The following WAC variants were observed in gnomAD, a reference collection of about 807,000 sequenced individuals.
WAC encodes WW domain containing adaptor with coiled-coil.
WAC carries 11 observed loss-of-function variants against 79.6 expected under a neutral mutation model. That is an observed-to-expected ratio of 0.14 (90% CI 0.09 to 0.23). WAC has a LOEUF of 0.23. WAC is among the 10% of genes least tolerant of loss of function. WAC has a pLI of 1.00. For missense variants in WAC, 728 were observed against 773.5 expected, an observed-to-expected ratio of 0.94 and a Z score of 0.70; for synonymous variants, 304 against 276.9, an observed-to-expected ratio of 1.10 and a Z score of -0.97.
intron 3 of WAC, among the ~76,000 whole-genome samples, chr10:28,574,117 T>C (rs11592270): frequency 0.016 from 1,087 of 68,238 alleles, 6 homozygotes; most frequent in Non-Finnish European, 0.019. Flanking sequence ...ATTTGGTTTT[T>C]ATTTTTTGAC....
intron 3 of WAC, among the ~76,000 whole-genome samples, chr10:28,545,405 G>C (rs1333587153): frequency 1.3e-5 from 2 of 152,150 alleles, no homozygotes; most frequent in Non-Finnish European, 2.9e-5. Context: ...GCTTGAACCC[G>C]TGAGGCAGAG....
chr10:28,567,102 C>T (rs1041631568), intron 3 of WAC, among the ~76,000 whole-genome samples: 1 of 151,586 alleles, frequency 6.6e-6, no homozygotes, highest in Non-Finnish European at 1.5e-5. Context: ...TGCTTTCAGT[C>T]ATGTTATTCT....
At chr10:28,607,925 T>C (rs187384455) in intron 7 of WAC, among the ~76,000 whole-genome samples, 6 of 152,332 alleles carry the variant, frequency 3.9e-5, no homozygotes, top group Non-Finnish European at 4.4e-5. Context: ...CAGATATGGG[T>C]ATGATTTACC....
Position 28,619,633 on chromosome 10 carries a change from G to T in WAC, c.*27G>T. 2 of 1,552,352 alleles carry T rather than the reference G, an allele frequency of 1.3e-6. No individual in the cohort carries two copies. The highest frequency in any genetic ancestry group is 2.4e-5 in the South Asian group (2 of 82,394). On this transcript the variant is annotated 3_prime_UTR_variant, in exon 14 of 14. Coordinates refer to ENST00000354911, the MANE Select transcript of WAC (RefSeq NM_016628.5). ...GATGTGAATAATTGCACATGGTTTT[G>T]AGAACAGGAACTGTAAATCTGTTGC...
At chr10:28,583,061 C>T (rs1839621536) in intron 3 of WAC, among the ~76,000 whole-genome samples, 2 of 152,098 alleles carry the variant, frequency 1.3e-5, no homozygotes, top group Non-Finnish European at 2.9e-5. Flanking sequence ...TTTCTGTGCA[C>T]ATTGTACTTC....
chr10:28,601,953 A>C (rs556780603), intron 7 of WAC, among the ~76,000 whole-genome samples: 31 of 152,156 alleles, frequency 2.0e-4, no homozygotes, highest in Non-Finnish European at 3.5e-4. Context: ...TGTTCTGGAG[A>C]CGTATAGTGG....
intron 3 of WAC, among the ~76,000 whole-genome samples, chr10:28,562,446 C>T (rs950550985): frequency 6.6e-5 from 10 of 152,126 alleles, no homozygotes; most frequent in Non-Finnish European, 1.5e-4. Flanking sequence ...AATGATTGAT[C>T]ATTTTACAAC....
chr10:28,581,636 A>G (rs182294802), intron 3 of WAC, among the ~76,000 whole-genome samples: 153 of 152,074 alleles, frequency 1.0e-3, no homozygotes, highest in African/African-American at 3.4e-3. Context: ...GCTCACTGCA[A>G]CCTCGCCTCC....
chr10:28,573,098 A>G (rs1025936540), intron 3 of WAC, among the ~76,000 whole-genome samples: 9 of 135,622 alleles, frequency 6.6e-5, no homozygotes, highest in African/African-American at 2.5e-4. Flanking sequence ...CATCTCTTTT[A>G]AAAAATATTT....
intron 9 of WAC, chr10:28,611,094 TTAA>T (rs752745986): frequency 3.6e-6 from 2 of 555,540 alleles, no homozygotes; most frequent in Non-Finnish European, 5.8e-6. Context: ...GACTTTGTTA[TTAA>T]TGAGTTTTTT....
intron 4 of WAC, among the ~76,000 whole-genome samples, chr10:28,585,147 C>G (rs1045708386): frequency 1.3e-5 from 2 of 151,900 alleles, no homozygotes; most frequent in Admixed American, 6.6e-5. Context: ...TGAAAAAAAA[C>G]AAAGGAACCC....
intron 4 of WAC, chr10:28,589,303 A>AGG (rs1470624456): frequency 2.0e-5 from 3 of 152,422 alleles, no homozygotes; most frequent in Non-Finnish European, 4.4e-5. Flanking sequence ...CAGTTAATAC[A>AGG]GGCAAGATTG....
chr10:28,548,995 C>T (rs1446924652), intron 3 of WAC, among the ~76,000 whole-genome samples: 3 of 152,108 alleles, frequency 2.0e-5, no homozygotes, highest in Admixed American at 6.6e-5. Context: ...AACTCCTGGG[C>T]TCAAGTGATC....
intron 11 of WAC, 189 bp from the exon 12 acceptor site, chr10:28,615,984 C>A: frequency 2.2e-6 from 1 of 462,062 alleles, no homozygotes; most frequent in Non-Finnish European, 3.7e-6. Flanking sequence ...GGGTTTTTTC[C>A]CCCTAAAGTG....
At position 28,622,546 on chromosome 10, in the gene WAC, C is replaced by T. The variant is rs1407477426; in HGVS notation, c.*2940C>T. 2 of 151,436 alleles carry T rather than the reference C, an allele frequency of 1.3e-5. No homozygotes were observed. Among genetic ancestry groups the T allele is most frequent in the Non-Finnish European group, 2.9e-5 (2 of 67,922 alleles). 9.4% of individuals were successfully genotyped at this position (151,436 alleles called of 1,614,324 possible). A position where few individuals can be genotyped will look rare whatever the true frequency, so the allele number is the denominator to read the frequency against. ...GTTACAGACTCCCCTGAAGAACCAG[C>T]TTTCCTACGCTTTTTATTTTTCTAA... On this transcript the variant is annotated 3_prime_UTR_variant, in exon 14 of 14. Transcript: ENST00000354911.
At chr10:28,555,017 T>G (rs1002657742) in intron 3 of WAC, among the ~76,000 whole-genome samples, 4 of 152,218 alleles carry the variant, frequency 2.6e-5, no homozygotes, top group African/African-American at 9.6e-5. Flanking sequence ...TTTTAGTGTC[T>G]GAAACAGAAT....
At position 28,556,388 on chromosome 10, in the gene WAC, ATTTTTTTTTTTTTTTT is replaced by A. The variant is rs764934182; in HGVS notation, c.274+20643_274+20658del. Among the ~76,000 whole-genome samples, 48 of 55,094 alleles carry A rather than the reference ATTTTTTTTTTTTTTTT, an allele frequency of 8.7e-4. No individual in the cohort carries two copies. In the East Asian group the frequency reaches 0.019, roughly 22 times the overall value. 36.1% of individuals were successfully genotyped at this position (55,094 alleles called of 152,430 possible). ...TAGATTCAATTTCGTTGCCCATTAA[ATTTTTTTTTTTTTTTT>A]TTTTTTTTTTTGCCATTAAGCTGGT... On this transcript the variant is annotated intron_variant, in intron 3 of 13. Transcript: ENST00000354911.
intron 7 of WAC, among the ~76,000 whole-genome samples, chr10:28,605,804 T>A (rs1840912757): frequency 6.6e-6 from 1 of 152,188 alleles, no homozygotes; most frequent in Non-Finnish European, 1.5e-5. Flanking sequence ...TTCTCCAACT[T>A]GTTTCTGTTA....
chr10:28,556,882 AT>A (rs1385499539), intron 3 of WAC, among the ~76,000 whole-genome samples: 1 of 151,948 alleles, frequency 6.6e-6, no homozygotes, highest in Non-Finnish European at 1.5e-5. Flanking sequence ...GCATGGGTTT[AT>A]TTTTGGGTGT....
Sources: allele counts gnomAD v4.1 joint callset (sites outside exome capture counted in the v4.1 genomes callset), GRCh38; gene constraint gnomAD v4.1.1; transcripts MANE v1.5; gene names NCBI Gene and HGNC (gene_info 2026-07-23, HGNC 2026-07-21).